The following GUCY2C variants were observed in gnomAD, a reference collection of about 807,000 sequenced individuals.
GUCY2C encodes the protein guanylate cyclase 2C.
Under a neutral mutation model 131.1 loss-of-function variants are expected in GUCY2C, and 118 were observed. The observed-to-expected ratio is 0.90, with a 90% CI of 0.78 to 1.05. The LOEUF (loss-of-function observed/expected upper bound fraction) is 1.05. Among genes scored for constraint, GUCY2C ranks in the 50% least tolerant of loss-of-function variants. The probability of loss-of-function intolerance (pLI) is 0.00; values close to 1 mark genes in which losing one functional copy is unlikely to be tolerated. For missense variants in GUCY2C, 1,161 were observed against 1,304.4 expected (o/e 0.89, Z 1.69); for synonymous variants, 452 against 457.8 (o/e 0.99, Z 0.16).
At chr12:14,639,507 T>C (rs1415751458) in intron 19 of GUCY2C, among the ~76,000 whole-genome samples, 1 of 152,110 alleles carries the variant, frequency 6.6e-6, no homozygotes, top group Non-Finnish European at 1.5e-5. Flanking sequence ...TTACAATTCT[T>C]GAGATGAGGT....
chr12:14,648,409 A>G (rs1259394807), intron 15 of GUCY2C, among the ~76,000 whole-genome samples: 1 of 152,200 alleles, frequency 6.6e-6, no homozygotes, highest in Non-Finnish European at 1.5e-5. Flanking sequence ...TCCTTCCTTC[A>G]TTACAAAAAC....
chr12:14,617,119 G>T (rs900947380), intron 24 of GUCY2C, among the ~76,000 whole-genome samples: 1 of 152,146 alleles, frequency 6.6e-6, no homozygotes, highest in Non-Finnish European at 1.5e-5. Flanking sequence ...GCTGTATGAA[G>T]TGCCTGCTCC....
chr12:14,676,257 G>A (rs1948234335), intron 7 of GUCY2C, among the ~76,000 whole-genome samples: 2 of 152,170 alleles, frequency 1.3e-5, no homozygotes, highest in Non-Finnish European at 2.9e-5. Flanking sequence ...TAATAAGGTG[G>A]CCATGATTTA....
chr12:14,660,197 G>T (rs1406927839), intron 11 of GUCY2C, among the ~76,000 whole-genome samples: 2 of 152,136 alleles, frequency 1.3e-5, no homozygotes, highest in Non-Finnish European at 2.9e-5. Flanking sequence ...AGATAAAACT[G>T]TTGTCTTGTT....
chr12:14,613,090 G>A lies in GUCY2C; in HGVS notation c.*27C>T, dbSNP rs200381183. 1.0e-4 allele frequency: 164 copies of A among 1,586,438 alleles called. 1 individual carries two copies. The African/African-American group carries it at 2.1e-3, about 20-fold the overall frequency. The stretch of plus-strand genomic sequence containing the variant: ...CCTCAGTGCAGCTGTATTTTAATTT[G>A]TGTGAGTCCTTATACCTCATTTAGG... On this transcript the variant is annotated 3_prime_UTR_variant, in exon 27 of 27. Transcript: ENST00000261170. This position sits in a 1 kb window ranked among gnomAD's most constrained non-coding sequence, Gnocchi z 4.9.
At chr12:14,619,147 C>A in intron 24 of GUCY2C, 64 bp downstream of exon 24, 1 of 895,716 alleles carries the variant, frequency 1.1e-6, no homozygotes, top group Admixed American at 1.8e-5. Flanking sequence ...CATTTTATCT[C>A]ACAGTTGCCC....
intron 10 of GUCY2C, among the ~76,000 whole-genome samples, chr12:14,662,820 AC>A (rs1366041122): frequency 6.6e-6 from 1 of 152,170 alleles, no homozygotes; most frequent in Non-Finnish European, 1.5e-5. Flanking sequence ...TATTTTGGTT[AC>A]CAAATAAATA....
intron 8 of GUCY2C, among the ~76,000 whole-genome samples, chr12:14,673,416 CTATT>C (rs1439965523): frequency 6.6e-6 from 1 of 151,990 alleles, no homozygotes; most frequent in Admixed American, 6.6e-5. Flanking sequence ...GTTTTGTCAT[CTATT>C]AAATAGCAAT....
intron 19 of GUCY2C, among the ~76,000 whole-genome samples, chr12:14,635,155 A>G (rs1947237677): frequency 6.6e-6 from 1 of 152,220 alleles, no homozygotes; most frequent in Admixed American, 6.5e-5. Context: ...TAGCTAAAGA[A>G]TAAACATTCC....
chr12:14,648,860 T>C (rs2137033884), intron 15 of GUCY2C, among the ~76,000 whole-genome samples: 1 of 152,350 alleles, frequency 6.6e-6, no homozygotes, highest in East Asian at 1.9e-4. Context: ...TTAATACAGA[T>C]GAAGTCAGTT....
In GUCY2C at chr12:14,612,851, T is replaced by C. The variant is rs1334084269; in HGVS notation, c.*266A>G. The stretch of plus-strand genomic sequence containing the variant: ...GAATAAAATCTTCTCAAGTTCTAGA[T>C]AGTCTATTCATTTCTTTTCTTTTCC... On this transcript the variant is annotated 3_prime_UTR_variant, in exon 27 of 27. Coordinates refer to ENST00000261170, the MANE Select transcript of GUCY2C (RefSeq NM_004963.4). 3 of 352,586 alleles carry C rather than the reference T, an allele frequency of 8.5e-6. No homozygotes were observed. Among genetic ancestry groups the C allele is most frequent in the East Asian group, 4.4e-5 (1 of 22,664 alleles). The allele number at this position is 352,586 out of a possible 1,614,324, so 21.8% of individuals were successfully genotyped here.
intron 12 of GUCY2C, 71 bp downstream of exon 12, chr12:14,656,441 C>A: frequency 1.3e-6 from 1 of 759,988 alleles, no homozygotes; most frequent in Non-Finnish European, 2.4e-6. Context: ...ACATATCCTG[C>A]AATGCTACTT....
chr12:14,614,586 G>T (rs564621741), intron 26 of GUCY2C: 6 of 357,844 alleles, frequency 1.7e-5, no homozygotes, highest in Non-Finnish European at 3.0e-5. Context: ...TTTATACTGA[G>T]CCCCCACATC....
rs1163282674 is a variant in GUCY2C, at chr12:14,681,446, A to G, written c.643T>C (p.Tyr215His). The G allele has an allele frequency of 1.2e-6, 2 of 1,611,644 alleles. No individual in the cohort carries two copies. The highest frequency in any genetic ancestry group is 1.7e-5 in the Admixed American group (1 of 59,826). ...YLNALEASVS[Y>H]FSHELGFKVV... ...TTAAAGCCGAGTTCGTGGGAGAAATAGGAAACGCTAGCCTCCAGAGCATTA... is the reference window on the plus strand; with the variant it reads ...TTAAAGCCGAGTTCGTGGGAGAAATGGGAAACGCTAGCCTCCAGAGCATTA... The change falls in exon 5 of 27, where the codon TAT (tyrosine) becomes CAT (histidine). Residue 215 changes from tyrosine to histidine, a missense_variant. Tyr to His is a moderately conservative substitution (Grantham distance 83, BLOSUM62 2). Coordinates refer to ENST00000261170, the MANE Select transcript of GUCY2C (RefSeq NM_004963.4).
intron 15 of GUCY2C, among the ~76,000 whole-genome samples, chr12:14,648,625 T>G (rs1351854250): frequency 6.6e-6 from 1 of 152,234 alleles, no homozygotes; most frequent in African/African-American, 2.4e-5. Flanking sequence ...TCTTCCTTTA[T>G]CTCTCTGAAT....
At chr12:14,647,789 T>G (rs2137031966) in intron 15 of GUCY2C, among the ~76,000 whole-genome samples, 1 of 152,120 alleles carries the variant, frequency 6.6e-6, no homozygotes, top group South Asian at 2.1e-4. Context: ...TGAGTTGTAT[T>G]TTCTGACCAA....
At chr12:14,657,976 TAA>T in intron 11 of GUCY2C, among the ~76,000 whole-genome samples, 1 of 152,246 alleles carries the variant, frequency 6.6e-6, no homozygotes, top group African/African-American at 2.4e-5. Context: ...TTGGTATTGA[TAA>T]ACTTTTTTTT....
At position 14,619,219 on chromosome 12, in the gene GUCY2C, G is replaced by A; in HGVS notation, c.2867C>T (p.Thr956Ile). The A allele has an allele frequency of 1.3e-6, 2 of 1,596,680 alleles. No individual in the cohort carries two copies. The highest frequency in any genetic ancestry group is 1.7e-6 in the Non-Finnish European group (2 of 1,164,262). Residue 956 changes from threonine (T) to isoleucine (I), a missense_variant, in exon 24 of 27, where the codon ACT (threonine) becomes ATT (isoleucine). By Grantham distance (89) the Thr-to-Ile change is moderately conservative (BLOSUM62 -1). Coordinates refer to ENST00000261170, the MANE Select transcript of GUCY2C (RefSeq NM_004963.4). ...TVNTASRMES[T>I]GLPLRIHVSG... ...ACAGTCTCCCTTCTTACGGAGGCCA[G>A]TGGATTCCATCCTAGAGGCTGTGTT...
At position 14,641,356 on chromosome 12, in the gene GUCY2C, T is replaced by C. The variant is rs1456598499; in HGVS notation, c.1931-137A>G. On this transcript the variant is annotated intron_variant, in intron 17 of 26. Coordinates refer to ENST00000261170, the MANE Select transcript of GUCY2C (RefSeq NM_004963.4). ...TAGCTTATAAGTGGCCTTGAATTGA[T>C]ATGATTCCAAATTTTTGAAAAATTT... is the stretch of plus-strand genomic sequence containing the variant. The C allele has an allele frequency of 1.1e-5, 10 of 881,508 alleles. No homozygotes were observed. The African/African-American group carries it at 1.6e-4, about 15-fold the overall frequency. 54.6% of individuals were successfully genotyped at this position (881,508 alleles called of 1,614,324 possible).
Sources: gnomAD v4.1 joint callset for allele counts (sites outside exome capture counted in the v4.1 genomes callset) on GRCh38, gnomAD v4.1.1 for gene constraint, Gnocchi (gnomAD v3.1) non-coding constraint, MANE v1.5 for transcripts, NCBI Gene and HGNC (gene_info 2026-07-23, HGNC 2026-07-21) for gene names.